The following MCM3AP variants were observed in gnomAD, a reference collection of about 807,000 sequenced individuals.
MCM3AP encodes germinal-center associated nuclear protein.
Under a neutral mutation model 184.1 loss-of-function variants are expected in MCM3AP, and 126 were observed. The ratio of observed to expected loss-of-function variants is 0.68; its 90% CI spans 0.59 to 0.79. The LOEUF (loss-of-function observed/expected upper bound fraction) is 0.79. Among genes scored for constraint, MCM3AP ranks in the 30% least tolerant of loss-of-function variants. The pLI, the probability that MCM3AP is intolerant of heterozygous loss-of-function variation, is 0.00. For synonymous variants in MCM3AP, 1,002 were observed against 979.3 expected, an observed-to-expected ratio of 1.02 and a Z score of -0.43; for missense variants, 2,496 against 2,479.2, an observed-to-expected ratio of 1.01 and a Z score of -0.14.
chr21:46,278,394 T>C (rs1165539396), intron 4 of MCM3AP, among the ~76,000 whole-genome samples: 1 of 152,182 alleles, frequency 6.6e-6, no homozygotes, highest in Non-Finnish European at 1.5e-5. Context: ...AACTTGAATG[T>C]CAAAGATTAT....
chr21:46,274,812 G>GT (rs1263048604), intron 6 of MCM3AP, among the ~76,000 whole-genome samples: 1 of 151,790 alleles, frequency 6.6e-6, no homozygotes, highest in Non-Finnish European at 1.5e-5. Context: ...GAGCATGCCT[G>GT]TAATCCCAGC....
At chr21:46,242,010 G>T (rs1224576853) in intron 25 of MCM3AP, 2 of 152,036 alleles carry the variant, frequency 1.3e-5, no homozygotes, top group East Asian at 1.9e-4. Context: ...TTGTGAATGA[G>T]AATTTTTTTT....
intron 17 of MCM3AP, among the ~76,000 whole-genome samples, chr21:46,255,545 G>C (rs545714520): frequency 4.6e-5 from 7 of 152,254 alleles, no homozygotes; most frequent in African/African-American, 1.7e-4. Context: ...GTCTGAGAGA[G>C]ATGCAAGCCC....
At chr21:46,280,670 T>C in intron 2 of MCM3AP, 95 bp from the exon 3 acceptor site, 1 of 794,876 alleles carries the variant, frequency 1.3e-6, no homozygotes, top group South Asian at 1.6e-5. Flanking sequence ...AACAGACCAT[T>C]CAAAGGCACC....
intron 8 of MCM3AP, among the ~76,000 whole-genome samples, 177 bp downstream of exon 8, chr21:46,272,384 C>T (rs192818128): frequency 2.4e-4 from 37 of 152,290 alleles, no homozygotes; most frequent in African/African-American, 8.4e-4. Flanking sequence ...CATCGCTCTT[C>T]CCCCAGCTCA....
At chr21:46,272,362 A>T (rs1196834634) in intron 8 of MCM3AP, among the ~76,000 whole-genome samples, 199 bp downstream of exon 8, 1 of 152,196 alleles carries the variant, frequency 6.6e-6, no homozygotes, top group Admixed American at 6.6e-5. Flanking sequence ...TGCTGGTCCC[A>T]GGGCACACCC....
intron 27 of MCM3AP, among the ~76,000 whole-genome samples, chr21:46,235,848 G>T (rs1457362724): frequency 6.6e-6 from 1 of 152,112 alleles, no homozygotes; most frequent in Non-Finnish European, 1.5e-5. Flanking sequence ...GCCCAGGCTG[G>T]ACTCAAGCTC....
At chr21:46,242,050 G>C (rs962330501) in intron 25 of MCM3AP, 2 of 151,848 alleles carry the variant, frequency 1.3e-5, no homozygotes, top group African/African-American at 2.4e-5. Flanking sequence ...CTATCTATCT[G>C]ATCACCTTAT....
At chr21:46,275,597 C>T (rs936918400) in intron 5 of MCM3AP, among the ~76,000 whole-genome samples, 7 of 151,970 alleles carry the variant, frequency 4.6e-5, no homozygotes, top group African/African-American at 1.5e-4. Context: ...GAAAGACCCC[C>T]GAGTCACCTC....
intron 20 of MCM3AP, chr21:46,250,270 C>G (rs1287704892): frequency 6.6e-6 from 1 of 152,264 alleles, no homozygotes; most frequent in Non-Finnish European, 1.5e-5. Context: ...ATACAAAGTG[C>G]TAGTGTAGCT....
intron 25 of MCM3AP, chr21:46,241,597 C>T (rs1351128795): frequency 6.5e-6 from 1 of 153,406 alleles, no homozygotes; most frequent in Non-Finnish European, 1.5e-5. Flanking sequence ...GTTTTAAGTA[C>T]TGGAGCTTTA....
chr21:46,258,982 C>T lies in MCM3AP; in HGVS notation c.3691G>A (p.Glu1231Lys). 1.2e-6 allele frequency: 2 copies of T among 1,614,120 alleles called. No individual in the cohort carries two copies. Among genetic ancestry groups the T allele is most frequent in the South Asian group, 2.2e-5 (2 of 91,084 alleles). The change falls in exon 16 of 28, where the codon GAG becomes AAG. Residue 1231 changes from glutamate to lysine, a missense_variant. Transcript: ENST00000291688. The part of the protein sequence containing the change: ...LVEEIFQTAK[E>K]TLQELQCFCK... Reference sequence around the variant, plus strand: ...AAGCACTGAAGCTCCTGGAGGGTCTCCTTTGCAGTCTGGAAGATTTCCTCC... The same window carrying T: ...AAGCACTGAAGCTCCTGGAGGGTCTTCTTTGCAGTCTGGAAGATTTCCTCC...
chr21:46,284,539 T>C lies in MCM3AP; in HGVS notation c.748A>G (p.Ser250Gly). The change falls in exon 1 of 28, where the codon AGT (serine) becomes GGT (glycine). Residue 250 changes from serine to glycine, a missense_variant. Physicochemically the swap from Ser to Gly is moderately conservative, Grantham distance 56 (BLOSUM62 0). Around this residue, in one of 5 missense-constraint regions of MCM3AP, gnomAD observed 800 missense variants for 717.1 expected, o/e 1.12. Transcript: ENST00000291688. ...SIFGSSNNSF[S>G]SFPVSSAVLG... is the part of the protein sequence containing the mutation. ...ACCGCAGATGATACAGGGAAGCTAC[T>C]GAAGCTATTATTAGAACTTCCAAAT... is the stretch of plus-strand genomic sequence containing the variant. The C allele has an allele frequency of 6.2e-7, 1 of 1,614,248 alleles. No individual in the cohort carries two copies. Among genetic ancestry groups the C allele is most frequent in the South Asian group, 1.1e-5 (1 of 91,082 alleles).
At chr21:46,241,147 C>T in intron 25 of MCM3AP, 130 bp from the exon 26 acceptor site, 1 of 700,170 alleles carries the variant, frequency 1.4e-6, no homozygotes, top group Non-Finnish European at 2.5e-6. Context: ...CATGTGCCCT[C>T]CTGGAACAGC....
At chr21:46,243,953 G>C (rs974068258) in intron 23 of MCM3AP, among the ~76,000 whole-genome samples, 1 of 152,200 alleles carries the variant, frequency 6.6e-6, no homozygotes, top group East Asian at 1.9e-4. Flanking sequence ...CAGAAGTTCT[G>C]ACTGTACAGG....
Position 46,284,730 on chromosome 21 carries a change from G to C in MCM3AP, c.557C>G (p.Pro186Arg). 3 of 1,614,066 alleles carry C rather than the reference G, an allele frequency of 1.9e-6. No individual in the cohort carries two copies. The highest frequency in any genetic ancestry group is 1.7e-6 in the Non-Finnish European group (2 of 1,180,040). Residue 186 changes from proline to arginine, a missense_variant, in exon 1 of 28, where the codon CCT becomes CGT. This residue lies in a region of MCM3AP where 800 missense variants were observed against 717.1 expected (regional missense o/e 1.12). Transcript: ENST00000291688. ...AAAAGAGAAAGGGGCCAGGCCTCCA[G>C]GTGCACTACTAATTGGGTGGGAAAA... is the stretch of plus-strand genomic sequence containing the variant. ...FTFSHPISSA[P>R]GGLAPFSFPQ...
rs2081272122 is a variant in MCM3AP at position 46,277,607 on chromosome 21, C to T, written c.1778G>A (p.Ser593Asn). Residue 593 changes from serine (S) to asparagine (N), a missense_variant, in exon 5 of 28, where the codon AGT (serine) becomes AAT (asparagine). Physicochemically the swap from Ser to Asn is conservative, Grantham distance 46 (BLOSUM62 1). This residue lies in a region of MCM3AP where 800 missense variants were observed against 717.1 expected (regional missense o/e 1.12). Transcript: ENST00000291688. ...EGLGPCVLSL[S>N]TLIGTVAETS... is the part of the protein sequence containing the mutation. ...CTCAGCCACAGTGCCTATCAGGGTA[C>T]TGAGGGAGAGCACACATGGCCCGAG... 6.2e-7 allele frequency: 1 copy of T among 1,612,354 alleles called. No individual in the cohort carries two copies. Among genetic ancestry groups the T allele is most frequent in the Non-Finnish European group, 8.5e-7 (1 of 1,179,316 alleles).
chr21:46,243,480 G>T lies in MCM3AP; in HGVS notation c.5281C>A (p.Leu1761Ile). 1 of 1,610,678 alleles carries T rather than the reference G, an allele frequency of 6.2e-7. No homozygotes were observed. Residue 1761 changes from leucine to isoleucine, a missense_variant, in exon 24 of 28, where the codon CTT (leucine) becomes ATT (isoleucine). Leu to Ile is a conservative substitution (Grantham distance 5, BLOSUM62 2). Around this residue, in one of 5 missense-constraint regions of MCM3AP, gnomAD observed 1,323 missense variants for 1,273.4 expected, o/e 1.04. Coordinates refer to ENST00000291688, the MANE Select transcript of MCM3AP (RefSeq NM_003906.5). ...CTCTAATTACCTGATGTAACAGGAA[G>T]CCGGGGGGGCGTCCAGTCTCTCAGC... ...HKLRDWTPPR[L>I]PVTSEALSED...
chr21:46,284,455 C>T lies in MCM3AP; in HGVS notation c.832G>A (p.Val278Ile), dbSNP rs562887328. 15 of 1,614,154 alleles carry T rather than the reference C, an allele frequency of 9.3e-6. No homozygotes were observed. The highest frequency in any genetic ancestry group is 1.2e-5 in the Non-Finnish European group (14 of 1,180,032). Residue 278 changes from valine (V) to isoleucine (I), a missense_variant, in exon 1 of 28, where the codon GTT becomes ATT. Physicochemically the swap from Val to Ile is conservative, Grantham distance 29. This residue lies in a region of MCM3AP where 800 missense variants were observed against 717.1 expected (regional missense o/e 1.12). Transcript: ENST00000291688. ...AGVRQGCEEA[V>I]SQVEPLPSLM... ...CTGGGAAGTGGTTCCACCTGGGAAA[C>T]AGCTTCTTCACACCCCTGCCTGACA...
Sources: gnomAD v4.1 joint callset for allele counts (sites outside exome capture counted in the v4.1 genomes callset) on GRCh38, gnomAD v4.1.1 for gene constraint, gnomAD v4.1.1 regional missense constraint, MANE v1.5 for transcripts, NCBI Gene and HGNC (gene_info 2026-07-23, HGNC 2026-07-21) for gene names.